KIAA1549L: variants seen among roughly 807,000 people sequenced by gnomAD.
KIAA1549L encodes the protein UPF0606 protein KIAA1549L.
A neutral mutation model predicts 160.7 loss-of-function variants in KIAA1549L; 88 were observed. That is an observed-to-expected ratio of 0.55 (90% CI 0.46 to 0.65). The LOEUF is 0.65. Ranked by LOEUF, KIAA1549L falls within the 30% of genes least tolerant of loss-of-function variation. The pLI is 0.00. For missense variants in KIAA1549L, 2,258 were observed against 2,437.5 expected (o/e 0.93, Z 1.55); for synonymous variants, 950 against 976.7 (o/e 0.97, Z 0.51).
intron 1 of KIAA1549L, among the ~76,000 whole-genome samples, chr11:33,499,459 A>G (rs866139100): frequency 1.3e-5 from 2 of 152,194 alleles, no homozygotes; most frequent in Non-Finnish European, 2.9e-5. Context: ...CTTTGAAAGT[A>G]GGGTATGTAT....
At chr11:33,513,368 C>G (rs1320332602) in intron 1 of KIAA1549L, among the ~76,000 whole-genome samples, 1 of 152,036 alleles carries the variant, frequency 6.6e-6, no homozygotes, top group Non-Finnish European at 1.5e-5. Flanking sequence ...CAGGGAGTCT[C>G]TGGTTGCTAG....
chr11:33,430,044 T>TCCC, intron 1 of KIAA1549L, among the ~76,000 whole-genome samples: 7 of 146,306 alleles, frequency 4.8e-5, no homozygotes, highest in Non-Finnish European at 7.5e-5. Context: ...CCTTCCTTCC[T>TCCC]TCCTCCCTTC....
At chr11:33,431,480 T>G (rs1851241787) in intron 1 of KIAA1549L, among the ~76,000 whole-genome samples, 2 of 152,100 alleles carry the variant, frequency 1.3e-5, no homozygotes, top group South Asian at 4.1e-4. Context: ...ACACAAAGGT[T>G]CTCCAAGGCC....
intron 12 of KIAA1549L, among the ~76,000 whole-genome samples, chr11:33,595,564 T>C (rs908391892): frequency 6.6e-6 from 1 of 152,224 alleles, no homozygotes; most frequent in African/African-American, 2.4e-5. Flanking sequence ...ATAATTTTAC[T>C]AAGGGCTGGT....
intron 10 of KIAA1549L, among the ~76,000 whole-genome samples, chr11:33,577,772 G>A (rs1855501475): frequency 6.6e-6 from 1 of 152,084 alleles, no homozygotes; most frequent in African/African-American, 2.4e-5. Context: ...AATCCTCATG[G>A]CTGTGTCCAC....
At chr11:33,386,108 G>C (rs561395511) in intron 1 of KIAA1549L, among the ~76,000 whole-genome samples, 1 of 152,084 alleles carries the variant, frequency 6.6e-6, no homozygotes, top group African/African-American at 2.4e-5. Context: ...AGAACTTCTA[G>C]TACTTTGCTG....
At chr11:33,428,731 T>C (rs1446970201) in intron 1 of KIAA1549L, among the ~76,000 whole-genome samples, 2 of 152,230 alleles carry the variant, frequency 1.3e-5, no homozygotes, top group Non-Finnish European at 2.9e-5. Context: ...TCCAAGTCTT[T>C]GCTATTGTGA....
chr11:33,474,955 G>A (rs1351890968), intron 1 of KIAA1549L, among the ~76,000 whole-genome samples: 1 of 152,218 alleles, frequency 6.6e-6, no homozygotes. Flanking sequence ...ACTCACACGG[G>A]AATATCCAAG....
At chr11:33,529,456 A>G (rs1303349340) in intron 1 of KIAA1549L, among the ~76,000 whole-genome samples, 3 of 152,224 alleles carry the variant, frequency 2.0e-5, no homozygotes, top group African/African-American at 7.2e-5. Context: ...GCTGACATAT[A>G]CCAAGTTATG....
rs557656440 is a variant in KIAA1549L, at chr11:33,617,916, C to CGGATGGAT, written c.5280-600_5280-593dup. Among the ~76,000 whole-genome samples, 98 of 147,016 alleles carry CGGATGGAT rather than the reference C, an allele frequency of 6.7e-4. 1 individual carries two copies. In the South Asian group the frequency reaches 0.021, roughly 32 times the overall value. On this transcript the variant is annotated intron_variant, in intron 15 of 20. Transcript: ENST00000658780. ...AGATGTGGATGGATGGACGGATGGA[C>CGGATGGAT]GGATGGATGGATGGATGGATGGATA...
intron 1 of KIAA1549L, among the ~76,000 whole-genome samples, chr11:33,489,914 CAAT>C (rs746247036): frequency 3.9e-5 from 6 of 152,166 alleles, no homozygotes; most frequent in Non-Finnish European, 1.5e-5. Flanking sequence ...GCGAGGCACT[CAAT>C]GATCTAGAAA....
intron 14 of KIAA1549L, among the ~76,000 whole-genome samples, chr11:33,609,360 C>T (rs1197132546): frequency 6.6e-6 from 1 of 152,210 alleles, no homozygotes; most frequent in Non-Finnish European, 1.5e-5. Flanking sequence ...CACTGGGTTC[C>T]CCAGGACTGG....
rs541806560 is a variant in KIAA1549L at position 33,568,183 on chromosome 11, C to T, written c.4186C>T (p.Arg1396Trp). The stretch of plus-strand genomic sequence containing the variant: ...ATTCATGATGTCCCAGCAACAAGGC[C>T]GGCGGTTTAAACGGGCCACCACCCT... The part of the protein sequence containing the change: ...QLFMMSQQQG[R>W]RFKRATTLGS... Residue 1396 changes from arginine (R) to tryptophan (W), a missense_variant, in exon 9 of 21, where the codon CGG becomes TGG. Arg to Trp is a moderately radical substitution (Grantham distance 101, BLOSUM62 -3). Around this residue, in one of 6 missense-constraint regions of KIAA1549L, gnomAD observed 1,359 missense variants for 1,546.6 expected, o/e 0.88. Transcript: ENST00000658780. The T allele has an allele frequency of 3.8e-5, 62 of 1,613,504 alleles. No individual in the cohort carries two copies. The Admixed American group carries it at 4.3e-4, about 11-fold the overall frequency.
At chr11:33,501,242 T>A (rs761949928) in intron 1 of KIAA1549L, among the ~76,000 whole-genome samples, 1 of 152,206 alleles carries the variant, frequency 6.6e-6, no homozygotes, top group Non-Finnish European at 1.5e-5. Flanking sequence ...AATACAGACA[T>A]CCTTTGTCAT....
intron 13 of KIAA1549L, among the ~76,000 whole-genome samples, chr11:33,606,045 C>T (rs1343631581): frequency 2.0e-5 from 3 of 152,144 alleles, no homozygotes; most frequent in African/African-American, 7.2e-5. Context: ...ATTAGTTTCT[C>T]TGGCGGAATT....
chr11:33,603,742 G>T (rs1850424728), intron 13 of KIAA1549L, among the ~76,000 whole-genome samples: 1 of 151,686 alleles, frequency 6.6e-6, no homozygotes, highest in Non-Finnish European at 1.5e-5. Flanking sequence ...GGAGGCGGAG[G>T]TTGCAGTGAG....
rs1206356477 is a variant in KIAA1549L, at chr11:33,638,418, T to TAA, written c.5410-7266_5410-7265dup. On this transcript the variant is annotated intron_variant, in intron 16 of 20. Transcript: ENST00000658780. ...ATCTATGTTATTTTATTCTCTAAAA[T>TAA]AAATAAAAAAAAAAAAAATAAATAA... is the stretch of plus-strand genomic sequence containing the variant. Among the ~76,000 whole-genome samples the TAA allele has an allele frequency of 1.0e-3, 12 of 11,640 alleles. No individual in the cohort carries two copies. In the South Asian group the frequency reaches 0.024, roughly 24 times the overall value. 7.6% of individuals were successfully genotyped at this position (11,640 alleles called of 152,430 possible). A position where few individuals can be genotyped will look rare whatever the true frequency, so the allele number is the denominator to read the frequency against.
intron 3 of KIAA1549L, among the ~76,000 whole-genome samples, chr11:33,545,911 A>G (rs942734324): frequency 2.0e-5 from 3 of 152,214 alleles, no homozygotes; most frequent in African/African-American, 2.4e-5. Context: ...CATTTTTTCA[A>G]TTAGCTGATA....
chr11:33,572,435 T>C lies in KIAA1549L; in HGVS notation c.4231-2267T>C, dbSNP rs1003199971. Among the ~76,000 whole-genome samples the C allele has an allele frequency of 3.9e-5, 6 of 152,236 alleles. 1 individual carries two copies. The highest frequency in any genetic ancestry group is 1.3e-4 in the Admixed American group (2 of 15,284). On this transcript the variant is annotated intron_variant, in intron 9 of 20. Coordinates refer to ENST00000658780, the MANE Select transcript of KIAA1549L (RefSeq NM_012194.3). ...GACATTATACTGTTACTATTTTATA[T>C]TTGATTACATATATCATTTCCAAAC...
Sources: gnomAD v4.1 joint callset for allele counts (sites outside exome capture counted in the v4.1 genomes callset) on GRCh38, gnomAD v4.1.1 for gene constraint, gnomAD v4.1.1 regional missense constraint, MANE v1.5 for transcripts, NCBI Gene and HGNC (gene_info 2026-07-23, HGNC 2026-07-21) for gene names.